Variants in FHIT observed in about 807,000 individuals in gnomAD.
FHIT encodes the protein fragile histidine triad diadenosine triphosphatase.
In FHIT, 19 loss-of-function variants were observed where a neutral mutation model predicts 17.9. That is an observed-to-expected ratio of 1.06 (90% CI 0.74 to 1.56). FHIT has a LOEUF of 1.56. Among genes scored for constraint, FHIT ranks in the 40% most tolerant of loss-of-function variants. The probability of loss-of-function intolerance (pLI) is 0.00; values close to 1 mark genes in which losing one functional copy is unlikely to be tolerated. For missense variants in FHIT, 248 were observed against 189.2 expected (o/e 1.31, Z -1.82); for synonymous variants, 81 against 69.7 (o/e 1.16, Z -0.81).
intron 5 of FHIT, among the ~76,000 whole-genome samples, chr3:60,370,071 T>C (rs1700262996): frequency 6.6e-6 from 1 of 152,248 alleles, no homozygotes; most frequent in Non-Finnish European, 1.5e-5. Context: ...GCTGCCTATG[T>C]CCGAGAGCTT....
intron 3 of FHIT, among the ~76,000 whole-genome samples, chr3:60,905,949 T>C (rs1226779207): frequency 6.6e-6 from 1 of 152,080 alleles, no homozygotes; most frequent in East Asian, 1.9e-4. Context: ...ACCAGGTAAG[T>C]TTTGACTTGA....
At chr3:59,802,667 CA>C (rs1345235513) in intron 8 of FHIT, among the ~76,000 whole-genome samples, 1 of 152,168 alleles carries the variant, frequency 6.6e-6, no homozygotes, top group African/African-American at 2.4e-5. Flanking sequence ...CGCCTGCACC[CA>C]GGTGATTAAA....
chr3:60,934,231 A>C (rs1164947753), intron 3 of FHIT, among the ~76,000 whole-genome samples: 1 of 152,150 alleles, frequency 6.6e-6, no homozygotes, highest in Non-Finnish European at 1.5e-5. Context: ...GAAAAGAGGG[A>C]AATTCATGGG....
chr3:59,960,280 G>A (rs916697140), intron 7 of FHIT, among the ~76,000 whole-genome samples: 1 of 152,196 alleles, frequency 6.6e-6, no homozygotes, highest in African/African-American at 2.4e-5. Flanking sequence ...ATTAGGTGAT[G>A]GTGGTAGAGA....
chr3:60,441,443 G>A (rs923989166), intron 5 of FHIT, among the ~76,000 whole-genome samples: 1 of 151,122 alleles, frequency 6.6e-6, no homozygotes, highest in African/African-American at 2.4e-5. Flanking sequence ...GTGGGCTGAA[G>A]AAAACAACAA....
intron 4 of FHIT, among the ~76,000 whole-genome samples, chr3:60,562,224 C>T (rs765573042): frequency 2.4e-4 from 36 of 152,306 alleles, no homozygotes; most frequent in Non-Finnish European, 5.1e-4. Context: ...ACATTAAACA[C>T]TGCCCTTTTA....
At chr3:60,818,090 G>A (rs536506789) in intron 4 of FHIT, among the ~76,000 whole-genome samples, 1 of 152,014 alleles carries the variant, frequency 6.6e-6, no homozygotes, top group Admixed American at 6.5e-5. Flanking sequence ...TTCAGTTTCA[G>A]GATTTCTATT....
In FHIT at chr3:60,407,926, T is replaced by C. The variant is rs559968087; in HGVS notation, c.103+128934A>G. Among the ~76,000 whole-genome samples the C allele has an allele frequency of 1.1e-4, 17 of 152,308 alleles. No homozygotes were observed. The East Asian group carries it at 3.1e-3, about 28-fold the overall frequency. Reference sequence around the variant, plus strand: ...TTGAACCCTAATAAAATGAAGAGTATCACACAACCATTACTGGAACCTGTT... The same window carrying C: ...TTGAACCCTAATAAAATGAAGAGTACCACACAACCATTACTGGAACCTGTT... On this transcript the variant is annotated intron_variant, in intron 5 of 9. Coordinates refer to ENST00000492590, the MANE Select transcript of FHIT (RefSeq NM_002012.4).
At chr3:60,391,916 C>T (rs1314360429) in intron 5 of FHIT, among the ~76,000 whole-genome samples, 2 of 151,584 alleles carry the variant, frequency 1.3e-5, no homozygotes, top group Non-Finnish European at 2.9e-5. Flanking sequence ...GGTGCCTTTC[C>T]TTAATGTTTC....
At chr3:60,338,531 G>A (rs1710356243) in intron 5 of FHIT, among the ~76,000 whole-genome samples, 1 of 152,150 alleles carries the variant, frequency 6.6e-6, no homozygotes, top group Non-Finnish European at 1.5e-5. Context: ...TAGTATATAT[G>A]TCAGATTGTT....
At chr3:60,766,683 T>G (rs1699865933) in intron 4 of FHIT, among the ~76,000 whole-genome samples, 1 of 152,160 alleles carries the variant, frequency 6.6e-6, no homozygotes, top group Non-Finnish European at 1.5e-5. Flanking sequence ...CACATCTGAC[T>G]CCAGAGATCA....
chr3:61,211,518 G>A (rs2039473559), intron 1 of FHIT, among the ~76,000 whole-genome samples: 1 of 152,230 alleles, frequency 6.6e-6, no homozygotes, highest in African/African-American at 2.4e-5. Context: ...GAACTGGGTA[G>A]AGCCCACCAC....
At chr3:61,166,384 C>A (rs946005136) in intron 2 of FHIT, among the ~76,000 whole-genome samples, 1 of 152,158 alleles carries the variant, frequency 6.6e-6, no homozygotes, top group African/African-American at 2.4e-5. Flanking sequence ...CTTCTGTTTT[C>A]ATTATACCAC....
At chr3:60,201,524 A>G (rs1320953026) in intron 5 of FHIT, among the ~76,000 whole-genome samples, 2 of 152,110 alleles carry the variant, frequency 1.3e-5, no homozygotes, top group African/African-American at 2.4e-5. Context: ...AGAATCATTT[A>G]ACAACCACCC....
At chr3:61,143,861 G>C (rs1448409940) in intron 2 of FHIT, among the ~76,000 whole-genome samples, 1 of 152,120 alleles carries the variant, frequency 6.6e-6, no homozygotes. Context: ...GCAAGACTCT[G>C]TCTAAAACAA....
At chr3:60,154,721 A>G (rs944361901) in intron 5 of FHIT, among the ~76,000 whole-genome samples, 1 of 152,218 alleles carries the variant, frequency 6.6e-6, no homozygotes, top group African/African-American at 2.4e-5. Context: ...TAAAAGGCAC[A>G]ATTAATCATT....
intron 2 of FHIT, among the ~76,000 whole-genome samples, chr3:61,094,494 A>T (rs1234987771): frequency 6.6e-6 from 1 of 152,228 alleles, no homozygotes; most frequent in Non-Finnish European, 1.5e-5. Flanking sequence ...ATAGTATAGA[A>T]GTCCCTGGTT....
At chr3:60,402,186 T>C (rs1009597085) in intron 5 of FHIT, among the ~76,000 whole-genome samples, 13 of 152,178 alleles carry the variant, frequency 8.5e-5, no homozygotes, top group African/African-American at 3.1e-4. Flanking sequence ...TCACATCAGA[T>C]TGTATTAATA....
intron 5 of FHIT, among the ~76,000 whole-genome samples, chr3:60,103,664 C>G (rs986144871): frequency 7.9e-5 from 12 of 152,140 alleles, no homozygotes; most frequent in African/African-American, 2.7e-4. Context: ...GAGAAGGCAG[C>G]CCTCCCAAAA....
Sources: allele counts gnomAD v4.1 joint callset (sites outside exome capture counted in the v4.1 genomes callset), GRCh38; gene constraint gnomAD v4.1.1; transcripts MANE v1.5; gene names NCBI Gene and HGNC (gene_info 2026-07-23, HGNC 2026-07-21).